Variants in PPP1R21 observed in about 807,000 individuals in gnomAD.
PPP1R21 encodes KLRAQ motif containing 1.
PPP1R21 carries 85 observed loss-of-function variants against 112.8 expected under a neutral mutation model. That is an observed-to-expected ratio of 0.75 (90% confidence interval 0.63 to 0.90). PPP1R21 has a LOEUF of 0.90. PPP1R21 is among the 40% of genes least tolerant of loss of function. The pLI is 0.00. For missense variants in PPP1R21, 1,199 were observed against 901.5 expected (o/e 1.33, Z -4.23); for synonymous variants, 381 against 322.3 (o/e 1.18, Z -1.95).
At chr2:48,503,825 C>A (rs1229354398) in intron 17 of PPP1R21, among the ~76,000 whole-genome samples, 1 of 151,418 alleles carries the variant, frequency 6.6e-6, no homozygotes, top group African/African-American at 2.4e-5. Flanking sequence ...TGGTGGTGGG[C>A]ACCTGTAATC....
At chr2:48,501,889 T>G (rs924185431) in intron 17 of PPP1R21, 1 of 152,146 alleles carries the variant, frequency 6.6e-6, no homozygotes, top group Admixed American at 6.6e-5. Flanking sequence ...TTGGTAACAC[T>G]GGCATATATA....
chr2:48,514,199 C>T (rs1670767964), intron 21 of PPP1R21, among the ~76,000 whole-genome samples: 1 of 146,930 alleles, frequency 6.8e-6, no homozygotes, highest in Admixed American at 7.0e-5. Context: ...CATTCTCCTG[C>T]CTTAGCCTCC....
At chr2:48,499,387 A>G (rs1412871676) in intron 17 of PPP1R21, among the ~76,000 whole-genome samples, 1 of 152,194 alleles carries the variant, frequency 6.6e-6, no homozygotes, top group Non-Finnish European at 1.5e-5. Flanking sequence ...TGGGGTTATT[A>G]TGTTTCTAAC....
At chr2:48,480,892 C>G (rs1474270221) in intron 13 of PPP1R21, among the ~76,000 whole-genome samples, 2 of 152,198 alleles carry the variant, frequency 1.3e-5, no homozygotes, top group African/African-American at 4.8e-5. Flanking sequence ...ATCTGTGGCA[C>G]TGGGATTCAT....
chr2:48,485,848 T>C (rs1669259212), intron 13 of PPP1R21, among the ~76,000 whole-genome samples: 1 of 148,432 alleles, frequency 6.7e-6, no homozygotes, highest in Non-Finnish European at 1.5e-5. Context: ...TTGACATATA[T>C]ATAGTTGTAT....
intron 16 of PPP1R21, among the ~76,000 whole-genome samples, chr2:48,496,470 G>GTTT (rs11305363): frequency 2.2e-5 from 3 of 136,272 alleles, no homozygotes; most frequent in South Asian, 2.3e-4. Context: ...TGGGTTTTGG[G>GTTT]TTTTTTTTTT....
intron 7 of PPP1R21, among the ~76,000 whole-genome samples, chr2:48,463,933 T>C (rs980285334): frequency 6.6e-5 from 10 of 151,768 alleles, no homozygotes; most frequent in South Asian, 2.1e-4. Context: ...GGAGGAATGG[T>C]ATTAGGAGCT....
At chr2:48,467,798 T>A (rs1668270462) in intron 9 of PPP1R21, among the ~76,000 whole-genome samples, 1 of 152,072 alleles carries the variant, frequency 6.6e-6, no homozygotes, top group South Asian at 2.1e-4. Flanking sequence ...AAACCAAAAA[T>A]ACCAGGAAGT....
intron 9 of PPP1R21, among the ~76,000 whole-genome samples, chr2:48,469,416 CATAT>C (rs1245050251): frequency 1.7e-5 from 1 of 60,404 alleles, no homozygotes; most frequent in Admixed American, 2.1e-4. Flanking sequence ...AGAGAGAGAG[CATAT>C]ATATATAGAG....
chr2:48,482,037 C>T (rs1221608855), intron 13 of PPP1R21, among the ~76,000 whole-genome samples: 3 of 152,104 alleles, frequency 2.0e-5, no homozygotes, highest in Non-Finnish European at 4.4e-5. Context: ...TATGTATATG[C>T]GAATATTCCA....
At position 48,461,154 on chromosome 2, in the gene PPP1R21, ACT is replaced by A. The variant is rs1338117321; in HGVS notation, c.619_620del (p.Leu207SerfsTer2). 1.9e-6 allele frequency: 3 copies of A among 1,577,478 alleles called. No homozygotes were observed. The highest frequency in any genetic ancestry group is 2.6e-6 in the Non-Finnish European group (3 of 1,169,766). ...TTTTTGCAGTCAATTACAGTTAAAG[ACT>A]CTTCATGAAGATTTGTCAGGTAGAT... ...RTEECQLQLK[T>X]LHEDLSGRLE... On this transcript the variant is annotated frameshift_variant, in exon 7 of 22. Coordinates refer to ENST00000294952, the MANE Select transcript of PPP1R21 (RefSeq NM_001135629.3). LOFTEE classifies it high-confidence loss of function.
At chr2:48,472,030 A>G (rs1461506056) in intron 11 of PPP1R21, among the ~76,000 whole-genome samples, 1 of 151,852 alleles carries the variant, frequency 6.6e-6, no homozygotes, top group Admixed American at 6.6e-5. Context: ...ACTTGAAGTC[A>G]GGAGTTCGAG....
At chr2:48,500,116 A>G (rs1354187865) in intron 17 of PPP1R21, among the ~76,000 whole-genome samples, 1 of 152,174 alleles carries the variant, frequency 6.6e-6, no homozygotes, top group Admixed American at 6.5e-5. Context: ...AGTTAAATAT[A>G]CAAACCAGAT....
chr2:48,449,663 A>G (rs2103751431), intron 1 of PPP1R21, among the ~76,000 whole-genome samples: 1 of 152,298 alleles, frequency 6.6e-6, no homozygotes, highest in Non-Finnish European at 1.5e-5. Context: ...TTTGGCACAG[A>G]AAAGGGTCAT....
chr2:48,461,948 A>C (rs185318816), intron 7 of PPP1R21, among the ~76,000 whole-genome samples: 117 of 152,338 alleles, frequency 7.7e-4, no homozygotes, highest in African/African-American at 2.6e-3. Flanking sequence ...AAAAAGAAAA[A>C]TAGCAGTTTG....
chr2:48,488,480 C>T (rs1378443116), intron 14 of PPP1R21, among the ~76,000 whole-genome samples: 2 of 151,986 alleles, frequency 1.3e-5, no homozygotes, highest in Admixed American at 6.6e-5. Flanking sequence ...CATTCTGCCG[C>T]CTCAGCCTCC....
intron 3 of PPP1R21, among the ~76,000 whole-genome samples, chr2:48,455,519 T>C (rs970528423): frequency 3.9e-5 from 6 of 152,194 alleles, no homozygotes; most frequent in African/African-American, 1.4e-4. Flanking sequence ...TATTAATATA[T>C]ATTAAATGTT....
At chr2:48,467,078 G>C (rs1668239566) in intron 9 of PPP1R21, among the ~76,000 whole-genome samples, 1 of 152,150 alleles carries the variant, frequency 6.6e-6, no homozygotes, top group African/African-American at 2.4e-5. Context: ...GGCATGTTTA[G>C]GAGTAAAACA....
At chr2:48,461,332 A>T in intron 7 of PPP1R21, 100 bp downstream of exon 7, 11 of 1,360,716 alleles carry the variant, frequency 8.1e-6, no homozygotes, top group Non-Finnish European at 9.5e-6. Flanking sequence ...AAAAAATTTA[A>T]TTGGCCCCAC....
Sources: allele counts gnomAD v4.1 joint callset (sites outside exome capture counted in the v4.1 genomes callset), GRCh38; gene constraint gnomAD v4.1.1; transcripts MANE v1.5; gene names NCBI Gene and HGNC (gene_info 2026-07-23, HGNC 2026-07-21).